Variants in MERTK observed in about 807,000 individuals in gnomAD.
MERTK encodes the protein tyrosine-protein kinase Mer.
In MERTK, 69 loss-of-function variants were observed where a neutral mutation model predicts 99.3. That is an observed-to-expected ratio of 0.70 (90% confidence interval 0.57 to 0.85). The LOEUF is 0.85. Among genes scored for constraint, MERTK ranks in the 40% least tolerant of loss-of-function variants. MERTK has a pLI of 0.00. For missense variants in MERTK, 1,125 were observed against 1,249.4 expected (o/e 0.90, Z 1.50); for synonymous variants, 426 against 467.6 (o/e 0.91, Z 1.15).
chr2:111,933,540 T>C (rs1684711221), intron 2 of MERTK, among the ~76,000 whole-genome samples: 1 of 152,122 alleles, frequency 6.6e-6, no homozygotes, highest in Non-Finnish European at 1.5e-5. Flanking sequence ...AGTTTGGTCA[T>C]GGGACCTTTT....
chr2:112,008,238 C>T lies in MERTK; in HGVS notation c.1868-145C>T, dbSNP rs147993482. The stretch of plus-strand genomic sequence containing the variant: ...TCTTATCTCCCCTAGCCCTACTAGC[C>T]CCTGACAACCACTCATCTGTTTCCT... On this transcript the variant is annotated intron_variant, in intron 13 of 18. Transcript: ENST00000295408. 3.4e-3 allele frequency: 2,371 copies of T among 702,722 alleles called. 45 individuals are homozygous for T. In the African/African-American group the frequency reaches 0.036, roughly 11 times the overall value. 43.5% of individuals were successfully genotyped at this position (702,722 alleles called of 1,614,324 possible). A position where few individuals can be genotyped will look rare whatever the true frequency, so the allele number is the denominator to read the frequency against.
At chr2:111,963,191 G>T (rs1024174877) in intron 4 of MERTK, among the ~76,000 whole-genome samples, 3 of 152,220 alleles carry the variant, frequency 2.0e-5, no homozygotes, top group African/African-American at 7.2e-5. Flanking sequence ...ATGTCTTAAA[G>T]AGCAGTATTG....
chr2:112,001,243 T>C lies in MERTK; in HGVS notation c.1647T>C (p.Tyr549=), dbSNP rs1676862579. Residue 549 remains tyrosine, a synonymous_variant, in exon 11 of 19, where the codon TAT becomes TAC. Coordinates refer to ENST00000295408, the MANE Select transcript of MERTK (RefSeq NM_006343.3). The stretch of plus-strand genomic sequence containing the variant: ...AGGATTCTGAATTAGTGGTGAATTA[T>C]ATAGCAAAGAAATCCTTCTGTCGGC... The part of the protein sequence containing the change: ...TEEDSELVVN[Y]IAKKSFCRRA... 13 of 1,613,996 alleles carry C rather than the reference T, an allele frequency of 8.1e-6. No individual in the cohort carries two copies. Among genetic ancestry groups the C allele is most frequent in the South Asian group, 1.1e-5 (1 of 91,072 alleles).
intron 1 of MERTK, among the ~76,000 whole-genome samples, chr2:111,928,285 G>GC (rs952960265): frequency 2.2e-5 from 3 of 136,192 alleles, no homozygotes; most frequent in Non-Finnish European, 4.6e-5. Context: ...GAGTGCAGTG[G>GC]CACAATCTTG....
intron 4 of MERTK, among the ~76,000 whole-genome samples, chr2:111,953,449 C>T (rs1318128977): frequency 6.6e-6 from 1 of 152,192 alleles, no homozygotes; most frequent in Non-Finnish European, 1.5e-5. Context: ...GATGGTCTAG[C>T]TCATGCTATA....
chr2:111,982,124 A>G (rs566824512), intron 7 of MERTK, among the ~76,000 whole-genome samples: 2 of 151,782 alleles, frequency 1.3e-5, no homozygotes, highest in Admixed American at 6.6e-5. Flanking sequence ...CAGTGGTGCA[A>G]TTACGGCTCA....
chr2:111,914,810 A>G (rs1684319897), intron 1 of MERTK, among the ~76,000 whole-genome samples: 1 of 152,058 alleles, frequency 6.6e-6, no homozygotes, highest in Non-Finnish European at 1.5e-5. Context: ...ATATTTTGTT[A>G]ATAATTTTTT....
chr2:111,911,109 G>T (rs1389664886), intron 1 of MERTK, among the ~76,000 whole-genome samples: 1 of 152,152 alleles, frequency 6.6e-6, no homozygotes, highest in Non-Finnish European at 1.5e-5. Context: ...AGTCAAGTGT[G>T]CTAGCTGGGC....
At chr2:111,966,805 G>A (rs1169673868) in intron 5 of MERTK, among the ~76,000 whole-genome samples, 1 of 152,146 alleles carries the variant, frequency 6.6e-6, no homozygotes, top group Non-Finnish European at 1.5e-5. Context: ...CCATTCCCAA[G>A]GCTTTGTGTG....
chr2:112,000,201 A>G (rs573913456), intron 10 of MERTK, among the ~76,000 whole-genome samples: 1 of 152,332 alleles, frequency 6.6e-6, no homozygotes, highest in African/African-American at 2.4e-5. Context: ...GTATACGTGC[A>G]GGTCACAGGG....
intron 1 of MERTK, among the ~76,000 whole-genome samples, chr2:111,915,538 G>A (rs572811640): frequency 9.6e-4 from 146 of 151,450 alleles, no homozygotes; most frequent in South Asian, 4.2e-3. Context: ...GACATGTTGC[G>A]TTTTTATTTT....
chr2:112,022,892 T>C (rs1677385323), intron 18 of MERTK, among the ~76,000 whole-genome samples: 1 of 152,174 alleles, frequency 6.6e-6, no homozygotes, highest in Non-Finnish European at 1.5e-5. Context: ...CAGAATCGCT[T>C]GGGAGATAGT....
At chr2:111,970,692 C>T (rs74182852) in intron 6 of MERTK, among the ~76,000 whole-genome samples, 1 of 149,012 alleles carries the variant, frequency 6.7e-6, no homozygotes, top group African/African-American at 2.5e-5. Flanking sequence ...CCTCCTCCCT[C>T]CTCCTCCTTC....
At chr2:111,917,231 C>T (rs1037575806) in intron 1 of MERTK, among the ~76,000 whole-genome samples, 3 of 152,180 alleles carry the variant, frequency 2.0e-5, no homozygotes, top group Non-Finnish European at 4.4e-5. Context: ...TCACACCAGT[C>T]AGTGGGGCTA....
At chr2:111,976,396 A>G (rs1250222936) in intron 7 of MERTK, among the ~76,000 whole-genome samples, 3 of 152,166 alleles carry the variant, frequency 2.0e-5, no homozygotes, top group Non-Finnish European at 4.4e-5. Context: ...AGGTGAAAGG[A>G]GGGCGGGAAG....
intron 13 of MERTK, among the ~76,000 whole-genome samples, chr2:112,006,038 G>T (rs1462614262): frequency 6.6e-6 from 1 of 151,960 alleles, no homozygotes; most frequent in East Asian, 1.9e-4. Flanking sequence ...GCACCACCAT[G>T]CCTGGCTAAT....
intron 13 of MERTK, among the ~76,000 whole-genome samples, chr2:112,005,091 G>A (rs1558804325): frequency 6.6e-6 from 1 of 151,740 alleles, no homozygotes. Context: ...TAATTGAGAT[G>A]GAGTCTCACT....
chr2:111,919,794 C>CT (rs1684420454), intron 1 of MERTK, among the ~76,000 whole-genome samples: 1 of 140,878 alleles, frequency 7.1e-6, no homozygotes, highest in African/African-American at 2.6e-5. Flanking sequence ...TTTTCTTTTT[C>CT]TTTTCTTTTT....
intron 7 of MERTK, among the ~76,000 whole-genome samples, chr2:111,977,635 A>T (rs1676280364): frequency 6.6e-6 from 1 of 151,550 alleles, no homozygotes; most frequent in Non-Finnish European, 1.5e-5. Context: ...ATTTCTTCAC[A>T]TTTTTTTTCT....
Sources: gnomAD v4.1 joint callset for allele counts (sites outside exome capture counted in the v4.1 genomes callset) on GRCh38, gnomAD v4.1.1 for gene constraint, MANE v1.5 for transcripts, NCBI Gene and HGNC (gene_info 2026-07-23, HGNC 2026-07-21) for gene names.